The following NCKAP5 variants were observed in gnomAD, a reference collection of about 807,000 sequenced individuals.
NCKAP5 encodes the protein nck-associated protein 5.
In NCKAP5, 92 loss-of-function variants were observed where a neutral mutation model predicts 167.0. That is an observed-to-expected ratio of 0.55 (90% CI 0.47 to 0.66). NCKAP5 has a LOEUF of 0.66. Ranked by LOEUF, NCKAP5 falls within the 30% of genes least tolerant of loss-of-function variation. The pLI is 0.00. For missense variants in NCKAP5, 2,378 were observed against 2,315.0 expected, an observed-to-expected ratio of 1.03 and a Z score of -0.56; for synonymous variants, 891 against 877.4, an observed-to-expected ratio of 1.02 and a Z score of -0.27.
At position 133,408,056 on chromosome 2, in the gene NCKAP5, G is replaced by T. The variant is rs538662447; in HGVS notation, c.70-104946C>A. Among the ~76,000 whole-genome samples, 192 of 152,252 alleles carry T rather than the reference G, an allele frequency of 1.3e-3. 1 individual carries two copies. The highest frequency in any genetic ancestry group is 6.8e-3 in the Middle Eastern group (2 of 294). ...CATTTCACAACTGAAAAATCAGAGG[G>T]TCCTGAGAACTTCAGTGGTTTCCCT... is the stretch of plus-strand genomic sequence containing the variant. On this transcript the variant is annotated intron_variant, in intron 3 of 19. Coordinates refer to ENST00000409261, the MANE Select transcript of NCKAP5 (RefSeq NM_207363.3).
intron 6 of NCKAP5, among the ~76,000 whole-genome samples, chr2:133,050,414 G>A (rs1284366200): frequency 6.6e-6 from 1 of 152,108 alleles, no homozygotes; most frequent in Non-Finnish European, 1.5e-5. Flanking sequence ...TGTTAGGGGA[G>A]TTTATTTAGG....
chr2:133,320,585 A>G (rs566236004), intron 3 of NCKAP5, among the ~76,000 whole-genome samples: 12 of 152,026 alleles, frequency 7.9e-5, no homozygotes, highest in Non-Finnish European at 1.3e-4. Flanking sequence ...AAAATTAGCC[A>G]GGCGTGGTGG....
At chr2:133,425,951 A>G (rs188280021) in intron 3 of NCKAP5, among the ~76,000 whole-genome samples, 4 of 152,326 alleles carry the variant, frequency 2.6e-5, no homozygotes, top group Admixed American at 2.6e-4. Flanking sequence ...CTTTAAATTA[A>G]AAAACAGTCT....
chr2:133,373,581 G>GAAGC (rs1427141550), intron 3 of NCKAP5, among the ~76,000 whole-genome samples: 2 of 152,190 alleles, frequency 1.3e-5, no homozygotes, highest in African/African-American at 4.8e-5. Context: ...GTTATATGGA[G>GAAGC]AAGCCAAAGA....
chr2:133,029,559 T>G (rs2149417803), intron 6 of NCKAP5, among the ~76,000 whole-genome samples: 1 of 152,334 alleles, frequency 6.6e-6, no homozygotes, highest in Non-Finnish European at 1.5e-5. Context: ...AAATGGTTCA[T>G]ATTTAAAAGT....
Position 133,270,912 on chromosome 2 carries a change from AT to A in NCKAP5, c.143+32124del, listed in dbSNP as rs1255134862. On this transcript the variant is annotated intron_variant, in intron 4 of 19. Coordinates refer to ENST00000409261, the MANE Select transcript of NCKAP5 (RefSeq NM_207363.3). ...GTACTTTTGTTTTTTGTTGCTTCAA[AT>A]TTTTTTTTTTTTTTTTTCTTTTTTG... Among the ~76,000 whole-genome samples the A allele has an allele frequency of 4.4e-3, 567 of 128,964 alleles. 1 individual carries two copies. Among genetic ancestry groups the A allele is most frequent in the Middle Eastern group, 0.013 (3 of 226 alleles). 84.6% of individuals were successfully genotyped at this position (128,964 alleles called of 152,430 possible).
intron 3 of NCKAP5, among the ~76,000 whole-genome samples, chr2:133,510,297 C>A (rs1407564408): frequency 6.6e-6 from 1 of 152,114 alleles, no homozygotes; most frequent in Non-Finnish European, 1.5e-5. Flanking sequence ...TTCTCCCATT[C>A]TAGTCAATAA....
intron 16 of NCKAP5, among the ~76,000 whole-genome samples, chr2:132,768,367 G>A (rs1486991000): frequency 1.3e-5 from 2 of 152,056 alleles, no homozygotes; most frequent in Non-Finnish European, 2.9e-5. Flanking sequence ...GACAATGAAT[G>A]GTATTTGAAT....
Position 132,782,607 on chromosome 2 carries a change from C to A in NCKAP5, c.4204G>T (p.Ala1402Ser). ...TCACTGCCTGGTTCCCCAAGTACAG[C>A]CACATTGGCACTGGGGCACTCTCCC... ...TQGECPSANV[A>S]VLGEPGSDRR... The change falls in exon 14 of 20, where the codon GCT becomes TCT. Residue 1402 changes from alanine (A) to serine (S), a missense_variant. Around this residue, in one of 3 missense-constraint regions of NCKAP5, gnomAD observed 1,325 missense variants for 1,274.5 expected, o/e 1.04. Coordinates refer to ENST00000409261, the MANE Select transcript of NCKAP5 (RefSeq NM_207363.3). 6.3e-7 allele frequency: 1 copy of A among 1,591,722 alleles called. No individual in the cohort carries two copies. The highest frequency in any genetic ancestry group is 8.6e-7 in the Non-Finnish European group (1 of 1,168,808).
intron 5 of NCKAP5, among the ~76,000 whole-genome samples, chr2:133,191,217 A>G (rs1220878028): frequency 2.0e-5 from 3 of 152,228 alleles, no homozygotes; most frequent in East Asian, 3.8e-4. Context: ...TCAAAACCAC[A>G]AAGAGAAACT....
At chr2:133,656,170 C>T in the NCKAP5 span, among the ~76,000 whole-genome samples, 80 of 152,198 alleles carry the variant, frequency 5.3e-4, no homozygotes, top group African/African-American at 1.9e-3. Context: ...GTTAAACAGA[C>T]CTGAGTTCAG....
intron 11 of NCKAP5, among the ~76,000 whole-genome samples, chr2:132,816,902 A>G (rs1686321427): frequency 6.6e-6 from 1 of 152,212 alleles, no homozygotes; most frequent in African/African-American, 2.4e-5. Flanking sequence ...CTATCTAGAC[A>G]TGACCTCTCA....
chr2:133,578,401 A>C, the NCKAP5 span, among the ~76,000 whole-genome samples: 1 of 152,234 alleles, frequency 6.6e-6, no homozygotes, highest in African/African-American at 2.4e-5. Context: ...CCTGGAACTA[A>C]CCCTGGGGAA....
chr2:133,141,962 T>C (rs766885921), intron 5 of NCKAP5, among the ~76,000 whole-genome samples: 1 of 152,188 alleles, frequency 6.6e-6, no homozygotes, highest in South Asian at 2.1e-4. Flanking sequence ...TCACAAGCTT[T>C]GGTTCAATGC....
intron 8 of NCKAP5, among the ~76,000 whole-genome samples, chr2:132,962,380 T>G (rs984135897): frequency 2.6e-5 from 4 of 151,910 alleles, no homozygotes; most frequent in Admixed American, 1.3e-4. Flanking sequence ...CTAAGTAACT[T>G]TGATGGTTTC....
chr2:132,790,180 G>T lies in NCKAP5; in HGVS notation c.935C>A (p.Ala312Asp). 5 of 1,613,226 alleles carry T rather than the reference G, an allele frequency of 3.1e-6. No individual in the cohort carries two copies. The highest frequency in any genetic ancestry group is 4.2e-6 in the Non-Finnish European group (5 of 1,179,668). The change falls in exon 13 of 20, where the codon GCC becomes GAC. Residue 312 changes from alanine to aspartate, a missense_variant. By Grantham distance (126) the Ala-to-Asp change is moderately radical. This residue lies in a region of NCKAP5 where 1,049 missense variants were observed against 1,023.4 expected (regional missense o/e 1.02). Coordinates refer to ENST00000409261, the MANE Select transcript of NCKAP5 (RefSeq NM_207363.3). ...AGCCCCCAAGCCAGGGCATTTCAAG[G>T]CCGATTTTGTATTTAGTTGGTGTTC... is the stretch of plus-strand genomic sequence containing the variant. ...VHEHQLNTKS[A>D]LKCPGLGAVI... is the part of the protein sequence containing the mutation.
chr2:132,731,582 A>G (rs1691008854), intron 17 of NCKAP5, among the ~76,000 whole-genome samples, 155 bp downstream of exon 17: 1 of 152,174 alleles, frequency 6.6e-6, no homozygotes, highest in African/African-American at 2.4e-5. Flanking sequence ...ATTGTCTTAT[A>G]CACATTGTTT....
At chr2:133,213,692 G>A (rs763138669) in intron 5 of NCKAP5, 24 bp downstream of exon 5, 4 of 1,612,594 alleles carry the variant, frequency 2.5e-6, no homozygotes, top group Middle Eastern at 1.7e-4. Context: ...GTTGTGGAAT[G>A]AGGGGACGGC....
chr2:132,862,758 C>T (rs1213900704), intron 10 of NCKAP5, among the ~76,000 whole-genome samples: 1 of 141,576 alleles, frequency 7.1e-6, no homozygotes. Context: ...TCAAAAAAAC[C>T]CAGTCTCAAA....
Sources: allele counts gnomAD v4.1 joint callset (sites outside exome capture counted in the v4.1 genomes callset), GRCh38; gene constraint gnomAD v4.1.1; regional missense constraint gnomAD v4.1.1; transcripts MANE v1.5; gene names NCBI Gene and HGNC (gene_info 2026-07-23, HGNC 2026-07-21).